The following UBFD1 variants were observed in gnomAD, a reference collection of about 807,000 sequenced individuals.
UBFD1 encodes the protein ubiquitin domain-containing protein UBFD1.
A neutral mutation model predicts 35.1 loss-of-function variants in UBFD1; 12 were observed. That is an observed-to-expected ratio of 0.34 (90% CI 0.22 to 0.55). The LOEUF (loss-of-function observed/expected upper bound fraction) is 0.55. Ranked by LOEUF, UBFD1 falls within the 20% of genes least tolerant of loss-of-function variation. The pLI is 0.89. For synonymous variants in UBFD1, 178 were observed against 167.6 expected (o/e 1.06, Z -0.48); for missense variants, 337 against 410.8 (o/e 0.82, Z 1.55).
At chr16:23,566,170 C>CG (rs1966008036) in intron 5 of UBFD1, 1 of 151,958 alleles carries the variant, frequency 6.6e-6, no homozygotes, top group South Asian at 2.1e-4. Context: ...GGAGGGAGGC[C>CG]GGGGAAGGGA....
At chr16:23,563,327 C>T (rs934327484) in intron 5 of UBFD1, among the ~76,000 whole-genome samples, 2 of 152,198 alleles carry the variant, frequency 1.3e-5, no homozygotes, top group South Asian at 4.2e-4. Context: ...GAATCTGCCT[C>T]TCCCTCCCCG....
At chr16:23,569,692 A>G (rs913094171) in intron 6 of UBFD1, 18 of 151,158 alleles carry the variant, frequency 1.2e-4, no homozygotes, top group African/African-American at 4.2e-4. Context: ...AAGTTTATTC[A>G]CAGCAATGAT....
At position 23,562,793 on chromosome 16, in the gene UBFD1, A is replaced by G. The variant is rs1176660255; in HGVS notation, c.736+63A>G. 6.4e-6 allele frequency: 9 copies of G among 1,400,698 alleles called. No homozygotes were observed. The East Asian group carries it at 2.1e-4, about 32-fold the overall frequency. 86.8% of individuals were successfully genotyped at this position (1,400,698 alleles called of 1,614,324 possible). ...GCCTCTGGCACCCAGCAGCACTCAC[A>G]TTTTAGAGTGCGATTTCACCCCTCC... On this transcript the variant is annotated intron_variant, in intron 5 of 6. Coordinates refer to ENST00000395878, the MANE Select transcript of UBFD1 (RefSeq NM_019116.3).
chr16:23,563,166 G>A (rs1043861761), intron 5 of UBFD1, among the ~76,000 whole-genome samples: 6 of 151,728 alleles, frequency 4.0e-5, no homozygotes, highest in African/African-American at 1.5e-4. Flanking sequence ...ATCCACTAGA[G>A]CCGAGTGGTG....
chr16:23,559,027 C>CTT (rs905257737), intron 2 of UBFD1: 3 of 146,094 alleles, frequency 2.1e-5, no homozygotes, highest in Non-Finnish European at 1.5e-5. Context: ...TGGCCTTGAA[C>CTT]TTTTTTTTTT....
At chr16:23,564,269 A>T (rs1279895776) in intron 5 of UBFD1, among the ~76,000 whole-genome samples, 1 of 152,236 alleles carries the variant, frequency 6.6e-6, no homozygotes, top group Non-Finnish European at 1.5e-5. Flanking sequence ...CATCTAAAAC[A>T]CAAAAATCAG....
At chr16:23,557,853 G>A in intron 1 of UBFD1, 86 bp downstream of exon 1, 9 of 1,275,746 alleles carry the variant, frequency 7.1e-6, no homozygotes, top group Non-Finnish European at 8.9e-6. Flanking sequence ...CCGGGAGGGA[G>A]AACCGCGGCT....
chr16:23,560,676 G>T (rs1965919069), intron 3 of UBFD1, among the ~76,000 whole-genome samples: 1 of 152,048 alleles, frequency 6.6e-6, no homozygotes, highest in Non-Finnish European at 1.5e-5. Flanking sequence ...TGGTGACAAG[G>T]TACTGCCCCA....
chr16:23,572,644 G>C lies in UBFD1; in HGVS notation c.*2054G>C, dbSNP rs961391047. ...GGGCCACTTGGCCTCCCTTCTTGCCGGTGACAGCGTTCCATCATCTCCCCG... is the reference window on the plus strand; with the variant it reads ...GGGCCACTTGGCCTCCCTTCTTGCCCGTGACAGCGTTCCATCATCTCCCCG... On this transcript the variant is annotated 3_prime_UTR_variant, in exon 7 of 7. Transcript: ENST00000395878. 1 of 153,702 alleles carries C rather than the reference G, an allele frequency of 6.5e-6. No individual in the cohort carries two copies. Among genetic ancestry groups the C allele is most frequent in the Non-Finnish European group, 1.5e-5 (1 of 68,078 alleles). The allele number at this position is 153,702 out of a possible 1,614,324, so 9.5% of individuals were successfully genotyped here. A position where few individuals can be genotyped will look rare whatever the true frequency, so the allele number is the denominator to read the frequency against.
chr16:23,562,099 C>T, intron 3 of UBFD1, 107 bp from the exon 4 acceptor site: 1 of 1,033,564 alleles, frequency 9.7e-7, no homozygotes, highest in Non-Finnish European at 1.4e-6. Context: ...TCATTAAAAG[C>T]TTTTGAGCCA....
At chr16:23,565,794 C>G (rs1966001477) in intron 5 of UBFD1, 1 of 152,236 alleles carries the variant, frequency 6.6e-6, no homozygotes, top group South Asian at 2.1e-4. Flanking sequence ...ATTTTTCTTT[C>G]TGCAAAGGCT....
Position 23,558,295 on chromosome 16 carries a change from C to T in UBFD1, c.355+16C>T, listed in dbSNP as rs1226809766. ...TCGATTACAGGTAATTCCTGTGGCG[C>T]TGACAGCCAGTCTTCCCCACCCCGC... On this transcript the variant is annotated intron_variant, in intron 2 of 6. Transcript: ENST00000395878. The T allele has an allele frequency of 6.3e-7, 1 of 1,592,286 alleles. No individual in the cohort carries two copies. The highest frequency in any genetic ancestry group is 8.5e-7 in the Non-Finnish European group (1 of 1,170,334).
intron 3 of UBFD1, among the ~76,000 whole-genome samples, chr16:23,560,485 A>G (rs1388974392): frequency 6.6e-6 from 1 of 152,228 alleles, no homozygotes; most frequent in East Asian, 1.9e-4. Flanking sequence ...TTCAATCAAC[A>G]TCATTTAGTG....
rs1306410316 is a variant in UBFD1, at chr16:23,559,273, G to A, written c.356-195G>A. The A allele has an allele frequency of 5.9e-5, 32 of 543,368 alleles. 1 individual carries two copies. In the East Asian group the frequency reaches 1.0e-3, roughly 18 times the overall value. 33.7% of individuals were successfully genotyped at this position (543,368 alleles called of 1,614,324 possible). A position where few individuals can be genotyped will look rare whatever the true frequency, so the allele number is the denominator to read the frequency against. On this transcript the variant is annotated intron_variant, in intron 2 of 6. Transcript: ENST00000395878. ...TTAATCCTTGAAACAGGTCTGTACA[G>A]AAGGACTTACTCTAATAAATCTTCT...
At chr16:23,559,803 G>A (rs1650982779) in intron 3 of UBFD1, 127 bp downstream of exon 3, 1 of 1,547,354 alleles carries the variant, frequency 6.5e-7, no homozygotes, top group African/African-American at 1.4e-5. Flanking sequence ...ATTTATGGCA[G>A]CAGTTGGGTG....
intron 6 of UBFD1, 85 bp downstream of exon 6, chr16:23,567,154 C>A: frequency 7.7e-7 from 1 of 1,293,454 alleles, no homozygotes; most frequent in Non-Finnish European, 1.1e-6. Context: ...GCTTGTTTAA[C>A]GGAAGAAAAC....
intron 5 of UBFD1, chr16:23,566,349 G>T (rs1228450436): frequency 6.6e-6 from 1 of 151,990 alleles, no homozygotes. Flanking sequence ...AATTTCTTGG[G>T]TATTTATTTA....
chr16:23,570,348 C>G (rs910154197), intron 6 of UBFD1, 132 bp from the exon 7 acceptor site: 2 of 688,732 alleles, frequency 2.9e-6, no homozygotes, highest in Non-Finnish European at 5.1e-6. Flanking sequence ...GAATGCTCCC[C>G]ACGTGCAAAG....
chr16:23,559,566 G>T lies in UBFD1; in HGVS notation c.454G>T (p.Val152Leu). The change falls in exon 3 of 7, where the codon GTG becomes TTG. Residue 152 changes from valine (V) to leucine (L), a missense_variant. By Grantham distance (32) the Val-to-Leu change is conservative. Around this residue, in one of 4 missense-constraint regions of UBFD1, gnomAD observed 24 missense variants for 53.7 expected, o/e 0.45. Transcript: ENST00000395878. ...IKVTSGAKIM[V>L]VGSTINDVLA... ...AGTGACCAGTGGGGCCAAGATCATGGTGGTTGGCTCCACCATCAATGATGT... is the reference window on the plus strand; with the variant it reads ...AGTGACCAGTGGGGCCAAGATCATGTTGGTTGGCTCCACCATCAATGATGT... 1 of 1,614,198 alleles carries T rather than the reference G, an allele frequency of 6.2e-7. No individual in the cohort carries two copies. The highest frequency in any genetic ancestry group is 2.2e-5 in the East Asian group (1 of 44,886).
Sources: gnomAD v4.1 joint callset for allele counts (sites outside exome capture counted in the v4.1 genomes callset) on GRCh38, gnomAD v4.1.1 for gene constraint, gnomAD v4.1.1 regional missense constraint, MANE v1.5 for transcripts, NCBI Gene and HGNC (gene_info 2026-07-23, HGNC 2026-07-21) for gene names.